Variants in SHANK2 observed in about 807,000 individuals in gnomAD.
SHANK2 encodes SH3 and multiple ankyrin repeat domains 2.
Under a neutral mutation model 133.7 loss-of-function variants are expected in SHANK2, and 43 were observed. That is an observed-to-expected ratio of 0.32 (90% CI 0.25 to 0.41). The LOEUF is 0.41. SHANK2 is among the 10% of genes least tolerant of loss of function. The probability of loss-of-function intolerance (pLI) is 1.00; values close to 1 mark genes in which losing one functional copy is unlikely to be tolerated. For missense variants in SHANK2, 1,994 were observed against 2,235.8 expected, an observed-to-expected ratio of 0.89 and a Z score of 2.18; for synonymous variants, 1,017 against 952.8, an observed-to-expected ratio of 1.07 and a Z score of -1.24.
At chr11:71,246,335 G>A (rs1555124997) in intron 1 of SHANK2, among the ~76,000 whole-genome samples, 1 of 152,054 alleles carries the variant, frequency 6.6e-6, no homozygotes, top group African/African-American at 2.4e-5. Context: ...GCTGACTCTG[G>A]ATTCTCCTTG....
rs543478076 is a variant in SHANK2 at position 70,694,666 on chromosome 11, C to A, written c.1853+4022G>T. On this transcript the variant is annotated intron_variant, in intron 15 of 25. Coordinates refer to ENST00000601538, the MANE Select transcript of SHANK2 (RefSeq NM_012309.5). ...CTGTTCTGCACCCATGCCCTGGTGACCATGGCCTCCAGATGCTCCTCCTGC... is the reference window on the plus strand; with the variant it reads ...CTGTTCTGCACCCATGCCCTGGTGAACATGGCCTCCAGATGCTCCTCCTGC... Among the ~76,000 whole-genome samples the A allele has an allele frequency of 3.3e-3, 505 of 152,310 alleles. 4 individuals are homozygous for A. Among genetic ancestry groups the A allele is most frequent in the African/African-American group, 0.011 (474 of 41,560 alleles).
At chr11:70,836,007 G>C (rs896224260) in intron 11 of SHANK2, among the ~76,000 whole-genome samples, 12 of 152,184 alleles carry the variant, frequency 7.9e-5, no homozygotes, top group Non-Finnish European at 1.2e-4. Context: ...GGGGTGGGCT[G>C]CCCACCACCT....
At chr11:70,926,612 C>T (rs1950430866) in intron 10 of SHANK2, among the ~76,000 whole-genome samples, 1 of 152,182 alleles carries the variant, frequency 6.6e-6, no homozygotes, top group African/African-American at 2.4e-5. Context: ...AAACCACCAA[C>T]AAACGGCACA....
At chr11:71,214,317 C>T (rs1165129384) in intron 2 of SHANK2, among the ~76,000 whole-genome samples, 1 of 152,200 alleles carries the variant, frequency 6.6e-6, no homozygotes, top group African/African-American at 2.4e-5. Flanking sequence ...GCAAGGAAGA[C>T]AGTTTCCACG....
intron 15 of SHANK2, among the ~76,000 whole-genome samples, chr11:70,695,623 G>A (rs561648428): frequency 2.6e-5 from 4 of 152,184 alleles, no homozygotes; most frequent in Non-Finnish European, 5.9e-5. Context: ...GGGCTCTACT[G>A]CCCACAGATC....
intron 2 of SHANK2, among the ~76,000 whole-genome samples, chr11:71,172,152 A>T (rs2135512390): frequency 6.6e-6 from 1 of 152,276 alleles, no homozygotes; most frequent in South Asian, 2.1e-4. Context: ...TTTCCAACAC[A>T]GTGATTCCCA....
At chr11:71,098,922 C>T (rs139969174) in intron 6 of SHANK2, among the ~76,000 whole-genome samples, 135 of 152,202 alleles carry the variant, frequency 8.9e-4, no homozygotes, top group African/African-American at 3.2e-3. Context: ...ACCATCTCTC[C>T]GTGGGGAAAC....
intron 17 of SHANK2, among the ~76,000 whole-genome samples, chr11:70,549,224 C>T (rs2059734279): frequency 6.6e-6 from 1 of 152,182 alleles, no homozygotes; most frequent in Non-Finnish European, 1.5e-5. Flanking sequence ...TTATCACAGG[C>T]TGCAAGCACC....
intron 15 of SHANK2, among the ~76,000 whole-genome samples, chr11:70,694,070 T>G (rs1393678635): frequency 6.6e-6 from 1 of 152,146 alleles, no homozygotes; most frequent in Non-Finnish European, 1.5e-5. Flanking sequence ...TTCTCTGGAG[T>G]ATCCCATGAT....
At chr11:70,797,238 A>G (rs1947933556) in intron 14 of SHANK2, among the ~76,000 whole-genome samples, 1 of 152,242 alleles carries the variant, frequency 6.6e-6, no homozygotes, top group Admixed American at 6.5e-5. Context: ...TGGGAAGACC[A>G]GCTTTGTTGG....
Position 70,945,144 on chromosome 11 carries a change from G to A in SHANK2, c.1108-48577C>T, listed in dbSNP as rs567620314. 2.4e-4 allele frequency among the ~76,000 whole-genome samples: 36 copies of A among 152,218 alleles called. 1 individual carries two copies. The highest frequency in any genetic ancestry group is 1.7e-4 in the African/African-American group (7 of 41,534). On this transcript the variant is annotated intron_variant, in intron 10 of 25. Transcript: ENST00000601538. ...TTCTACTTGAGGCACTTATGCAGGGGATGGAAATTGTGTATGGGCGGCTCT... is the reference window on the plus strand; with the variant it reads ...TTCTACTTGAGGCACTTATGCAGGGAATGGAAATTGTGTATGGGCGGCTCT...
At chr11:70,734,157 G>A (rs997225269) in intron 14 of SHANK2, among the ~76,000 whole-genome samples, 10 of 152,174 alleles carry the variant, frequency 6.6e-5, no homozygotes, top group African/African-American at 2.2e-4. Context: ...AGCAGAGCCC[G>A]CGGGAGGGAG....
At chr11:70,609,097 GTTGT>G (rs2060619579) in intron 17 of SHANK2, among the ~76,000 whole-genome samples, 1 of 152,244 alleles carries the variant, frequency 6.6e-6, no homozygotes, top group East Asian at 1.9e-4. Flanking sequence ...AAGTGGTCGC[GTTGT>G]TTGTTCACGG....
chr11:71,129,215 T>C (rs1398028384), intron 3 of SHANK2, among the ~76,000 whole-genome samples: 1 of 152,236 alleles, frequency 6.6e-6, no homozygotes, highest in African/African-American at 2.4e-5. Context: ...AGGTCTGGAC[T>C]TCACAGCGGG....
intron 9 of SHANK2, among the ~76,000 whole-genome samples, chr11:71,072,352 C>G (rs889244239): frequency 1.3e-5 from 2 of 152,248 alleles, no homozygotes; most frequent in Non-Finnish European, 2.9e-5. Context: ...GGTGCACACA[C>G]TGGGCGGGGT....
chr11:70,473,252 G>T lies in SHANK2; in HGVS notation c.5167C>A (p.Pro1723Thr). 6.2e-7 allele frequency: 1 copy of T among 1,610,738 alleles called. No individual in the cohort carries two copies. Among genetic ancestry groups the T allele is most frequent in the East Asian group, 2.2e-5 (1 of 44,762 alleles). Residue 1723 changes from proline to threonine, a missense_variant, in exon 26 of 26, where the codon CCC (proline) becomes ACC (threonine). Physicochemically the swap from Pro to Thr is conservative, Grantham distance 38 (BLOSUM62 -1). Coordinates refer to ENST00000601538, the MANE Select transcript of SHANK2 (RefSeq NM_012309.5). This position sits in a 1 kb window ranked among gnomAD's most constrained non-coding sequence, Gnocchi z 5.9. ...SPTEMNKETL[P>T]APLSAATASP... ...GCGGTGGCAGCAGACAGGGGGGCGG[G>T]CAGGGTCTCTTTGTTCATCTCTGTT...
intron 2 of SHANK2, among the ~76,000 whole-genome samples, chr11:71,219,242 C>T (rs1180361954): frequency 5.3e-5 from 8 of 152,330 alleles, no homozygotes; most frequent in African/African-American, 1.9e-4. Context: ...CTTTGCAGAG[C>T]ATGCAGTCTG....
intron 17 of SHANK2, among the ~76,000 whole-genome samples, chr11:70,655,776 T>G (rs2061397964): frequency 6.6e-6 from 1 of 152,130 alleles, no homozygotes; most frequent in Admixed American, 6.5e-5. Flanking sequence ...TCGAGGAGAC[T>G]TTAGTTGGCA....
At chr11:71,095,514 G>C (rs1177187464) in intron 6 of SHANK2, among the ~76,000 whole-genome samples, 1 of 152,102 alleles carries the variant, frequency 6.6e-6, no homozygotes, top group Non-Finnish European at 1.5e-5. Flanking sequence ...AGAGTACCAG[G>C]ACAACACACA....
Sources: allele counts gnomAD v4.1 joint callset (sites outside exome capture counted in the v4.1 genomes callset), GRCh38; gene constraint gnomAD v4.1.1; non-coding constraint Gnocchi (gnomAD v3.1); transcripts MANE v1.5; gene names NCBI Gene and HGNC (gene_info 2026-07-23, HGNC 2026-07-21).